The following ARHGAP45 variants were observed in gnomAD, a reference collection of about 807,000 sequenced individuals.
ARHGAP45 encodes the protein rho GTPase-activating protein 45.
Under a neutral mutation model 116.1 loss-of-function variants are expected in ARHGAP45, and 56 were observed. That is an observed-to-expected ratio of 0.48 (90% CI 0.39 to 0.60). ARHGAP45 has a LOEUF of 0.60. ARHGAP45 is among the 20% of genes least tolerant of loss of function. ARHGAP45 has a pLI of 0.00. For missense variants in ARHGAP45, 1,622 were observed against 1,601.0 expected (o/e 1.01, Z -0.22); for synonymous variants, 866 against 701.7 (o/e 1.23, Z -3.70).
In ARHGAP45 at chr19:1,086,033, G is replaced by T; in HGVS notation, c.*27G>T. On this transcript the variant is annotated 3_prime_UTR_variant, in exon 23 of 23. Coordinates refer to ENST00000313093, the MANE Select transcript of ARHGAP45 (RefSeq NM_012292.5). ...CTGGGGTGGGGCTGGGACCACAGGT[G>T]GCTTCTCTCTTGCCTGCTCCTGTCC... 1.3e-6 allele frequency: 2 copies of T among 1,587,716 alleles called. No homozygotes were observed. The highest frequency in any genetic ancestry group is 1.3e-5 in the African/African-American group (1 of 74,548).
rs1568482168 is a variant in ARHGAP45, at chr19:1,082,911, A to AGAGGCC, written c.2596_2601dup (p.Glu866_Ala867dup). 19 of 1,595,642 alleles carry AGAGGCC rather than the reference A, an allele frequency of 1.2e-5. No homozygotes were observed. The highest frequency in any genetic ancestry group is 2.3e-5 in the East Asian group (1 of 44,340). ...GGCTGGCCAAGGACAGCCTGAAGGCAGAGGCCGAGGCCAAGGCGGCGTCCC... is the reference window on the plus strand; with the variant it reads ...GGCTGGCCAAGGACAGCCTGAAGGCAGAGGCCGAGGCCGAGGCCAAGGCGGCGTCCC... On this transcript the variant is annotated inframe_insertion, in exon 20 of 23. Coordinates refer to ENST00000313093, the MANE Select transcript of ARHGAP45 (RefSeq NM_012292.5).
Position 1,074,825 on chromosome 19 carries a change from C to G in ARHGAP45, c.1131C>G (p.His377Gln). 6.3e-7 allele frequency: 1 copy of G among 1,580,320 alleles called. No individual in the cohort carries two copies. The highest frequency in any genetic ancestry group is 8.6e-7 in the Non-Finnish European group (1 of 1,163,158). The change falls in exon 10 of 23, where the codon CAC (histidine) becomes CAG (glutamine). Residue 377 changes from histidine (H) to glutamine (Q), a missense_variant. This residue lies in a region of ARHGAP45 where 1,334 missense variants were observed against 1,263.8 expected (regional missense o/e 1.06). Transcript: ENST00000313093. Reference sequence around the variant, plus strand: ...CCCTGACCCTGCGGCGGCTTGAACACGAGAAGCGCAGGAAGGAGATCAAGG... The same window carrying G: ...CCCTGACCCTGCGGCGGCTTGAACAGGAGAAGCGCAGGAAGGAGATCAAGG... ...MQPLTLRRLE[H>Q]EKRRKEIKEA...
upstream of ARHGAP45, chr19:1,067,058 G>C (rs2043045798): frequency 1.8e-6 from 1 of 564,000 alleles, no homozygotes; most frequent in African/African-American, 2.0e-5. Context: ...CGTCAGGCAG[G>C]GGCTCCCGGT....
Position 1,081,034 on chromosome 19 carries a change from CGT to C in ARHGAP45, c.2161_2162del (p.Val721LeufsTer6). The C allele has an allele frequency of 6.2e-7, 1 of 1,609,096 alleles. No individual in the cohort carries two copies. The highest frequency in any genetic ancestry group is 8.5e-7 in the Non-Finnish European group (1 of 1,178,654). On this transcript the variant is annotated frameshift_variant, in exon 17 of 23. Transcript: ENST00000313093. LOFTEE classifies it high-confidence loss of function. ...CCAAGTGCCGCGAGTGCAACAGCTA[CGT>C]CTACTTCCAGGGTGCTGAGTGTGAA... ...PAKCRECNSY[V>X]YFQGAECEEC... is the part of the protein sequence containing the mutation.
In ARHGAP45 at chr19:1,078,024, G is replaced by C. The variant is rs1382433019; in HGVS notation, c.1353G>C (p.Leu451=). ...ATKTLDKRRR[L]EEEAKNKAEE... ...AGACCCTGGACAAGCGGCGGCGGCT[G>C]GAGGAGGAGGCCAAGAACAAGGTGA... The change falls in exon 11 of 23, where the codon CTG becomes CTC. Residue 451 remains leucine (L), a synonymous_variant. Transcript: ENST00000313093. 3 of 1,553,934 alleles carry C rather than the reference G, an allele frequency of 1.9e-6. No individual in the cohort carries two copies. The Admixed American group carries it at 5.8e-5, about 30-fold the overall frequency.
chr19:1,068,805 G>T lies in ARHGAP45; in HGVS notation c.421+61G>T. The stretch of plus-strand genomic sequence containing the variant: ...GACAGAGCCAGACCCAAGGGAGGAT[G>T]GAGGGAGGGACTTGGGGAGGCTCAG... On this transcript the variant is annotated intron_variant, in intron 2 of 22. Coordinates refer to ENST00000313093, the MANE Select transcript of ARHGAP45 (RefSeq NM_012292.5). This position sits in a 1 kb window ranked among gnomAD's most constrained non-coding sequence, Gnocchi z 7.5. The T allele has an allele frequency of 6.6e-7, 1 of 1,512,872 alleles. No individual in the cohort carries two copies. The highest frequency in any genetic ancestry group is 9.1e-7 in the Non-Finnish European group (1 of 1,098,086). The allele number at this position is 1,512,872 out of a possible 1,614,324, so 93.7% of individuals were successfully genotyped here. A position where few individuals can be genotyped will look rare whatever the true frequency, so the allele number is the denominator to read the frequency against.
intron 2 of ARHGAP45, among the ~76,000 whole-genome samples, chr19:1,072,861 CTG>C (rs1345939084): frequency 2.0e-5 from 3 of 152,174 alleles, no homozygotes; most frequent in African/African-American, 7.2e-5. Context: ...GGCTGCAGGA[CTG>C]TAGCTTGAAG....
rs550123041 is a variant in ARHGAP45 at position 1,068,675 on chromosome 19, C to T, written c.352C>T (p.His118Tyr). The T allele has an allele frequency of 6.2e-7, 1 of 1,612,680 alleles. No individual in the cohort carries two copies. Among genetic ancestry groups the T allele is most frequent in the Admixed American group, 1.7e-5 (1 of 60,028 alleles). ...AGPDVVEDIS[H>Y]LLADVARFAE... Reference sequence around the variant, plus strand: ...CCCGGACGTCGTCGAGGACATCTCCCATCTGCTGGCGGACGTGGCCCGCTT... The same window carrying T: ...CCCGGACGTCGTCGAGGACATCTCCTATCTGCTGGCGGACGTGGCCCGCTT... The change falls in exon 2 of 23, where the codon CAT becomes TAT. Residue 118 changes from histidine (H) to tyrosine (Y), a missense_variant. His to Tyr is a moderately conservative substitution (Grantham distance 83). This residue lies in a region of ARHGAP45 where 279 missense variants were observed against 311.9 expected (regional missense o/e 0.89). Transcript: ENST00000313093. The surrounding 1 kb of genome is among the most constrained non-coding windows in gnomAD (Gnocchi z 7.5).
intron 2 of ARHGAP45, among the ~76,000 whole-genome samples, chr19:1,070,052 G>A (rs1041309850): frequency 6.6e-6 from 1 of 152,014 alleles, no homozygotes; most frequent in Non-Finnish European, 1.5e-5. Context: ...CTGGAGTGCA[G>A]TGGCGCGATC....
chr19:1,080,392 C>T lies in ARHGAP45; in HGVS notation c.1828+13C>T. 1 of 1,607,596 alleles carries T rather than the reference C, an allele frequency of 6.2e-7. No homozygotes were observed. Among genetic ancestry groups the T allele is most frequent in the Non-Finnish European group, 8.5e-7 (1 of 1,178,866 alleles). On this transcript the variant is annotated intron_variant, in intron 14 of 22. Transcript: ENST00000313093. ...AAGGACCACAGGGGTGAGTGTCCGG[C>T]GGGGCCCAGGGGCGGACGCTGGCTC...
chr19:1,075,979 C>T (rs1186423397), intron 10 of ARHGAP45, among the ~76,000 whole-genome samples: 1 of 152,138 alleles, frequency 6.6e-6, no homozygotes, highest in Non-Finnish European at 1.5e-5. Context: ...TCCTCACCTC[C>T]ATATAGAGAG....
intron 21 of ARHGAP45, among the ~76,000 whole-genome samples, chr19:1,083,589 T>G (rs993600277): frequency 3.3e-5 from 5 of 152,178 alleles, no homozygotes; most frequent in Admixed American, 6.5e-5. Context: ...CACTCTCCCT[T>G]GGGGCTGGCC....
rs1382874017 is a variant in ARHGAP45 at position 1,077,863 on chromosome 19, G to A, written c.1192G>A (p.Ala398Thr). The change falls in exon 11 of 23, where the codon GCG becomes ACG. Residue 398 changes from alanine to threonine, a missense_variant. By Grantham distance (58) the Ala-to-Thr change is moderately conservative (BLOSUM62 0). Transcript: ENST00000313093. ...WHRAQRKLQE[A>T]ESNLRKAKQG... ...CTGGCTCCCACACCCACAGCAAGAG[G>A]CGGAGTCCAACCTGCGCAAGGCCAA... The A allele has an allele frequency of 6.4e-7, 1 of 1,553,152 alleles. No homozygotes were observed. Among genetic ancestry groups the A allele is most frequent in the Non-Finnish European group, 8.7e-7 (1 of 1,148,094 alleles).
chr19:1,078,158 T>A, intron 11 of ARHGAP45, 113 bp downstream of exon 11: 1 of 1,436,860 alleles, frequency 7.0e-7, no homozygotes, highest in Non-Finnish European at 9.2e-7. Context: ...TTTTGTTTGT[T>A]TTTGAGACGG....
chr19:1,083,679 C>A (rs528191321), intron 21 of ARHGAP45, among the ~76,000 whole-genome samples: 1 of 152,312 alleles, frequency 6.6e-6, no homozygotes, highest in African/African-American at 2.4e-5. Flanking sequence ...TCCACGCTGG[C>A]CCGGTGTCCA....
chr19:1,078,172 C>T (rs1200834697), intron 11 of ARHGAP45, 127 bp downstream of exon 11: 6 of 1,411,720 alleles, frequency 4.3e-6, no homozygotes, highest in Middle Eastern at 2.6e-4. Flanking sequence ...GAGACGGAGT[C>T]TTGCTCTGTC....
Position 1,081,643 on chromosome 19 carries a change from G to A in ARHGAP45, c.2284G>A (p.Asp762Asn). 6.3e-7 allele frequency: 1 copy of A among 1,580,076 alleles called. No individual in the cohort carries two copies. The highest frequency in any genetic ancestry group is 8.6e-7 in the Non-Finnish European group (1 of 1,163,534). The change falls in exon 18 of 23, where the codon GAC (aspartate) becomes AAC (asparagine). Residue 762 changes from aspartate (D) to asparagine (N), a missense_variant. This residue lies in a region of ARHGAP45 where 1,334 missense variants were observed against 1,263.8 expected (regional missense o/e 1.06). Coordinates refer to ENST00000313093, the MANE Select transcript of ARHGAP45 (RefSeq NM_012292.5). ...AGGCCGCCTGCAGCTGTTCGGCCAG[G>A]ACTTCAGCCACGCGGCCCGCAGCGC... The part of the protein sequence containing the change: ...LQGRLQLFGQ[D>N]FSHAARSAPD...
At chr19:1,076,321 T>C (rs2043246823) in intron 10 of ARHGAP45, among the ~76,000 whole-genome samples, 1 of 152,092 alleles carries the variant, frequency 6.6e-6, no homozygotes, top group South Asian at 2.1e-4. Context: ...GACAGTGGCT[T>C]ATCATTGATT....
chr19:1,068,705 G>A lies in ARHGAP45; in HGVS notation c.382G>A (p.Glu128Lys). 6.2e-7 allele frequency: 1 copy of A among 1,612,668 alleles called. No homozygotes were observed. The highest frequency in any genetic ancestry group is 8.5e-7 in the Non-Finnish European group (1 of 1,180,014). Reference protein sequence around the residue: ...HLLADVARFAEGLEKLKECVL... With the variant: ...HLLADVARFAKGLEKLKECVL... ...GCTGGCGGACGTGGCCCGCTTCGCT[G>A]AGGGCCTTGAGAAACTTAAGGAGTG... Residue 128 changes from glutamate to lysine, a missense_variant, in exon 2 of 23, where the codon GAG (glutamate) becomes AAG (lysine). Physicochemically the swap from Glu to Lys is moderately conservative, Grantham distance 56 (BLOSUM62 1). This residue lies in a region of ARHGAP45 where 279 missense variants were observed against 311.9 expected (regional missense o/e 0.89). Transcript: ENST00000313093. This position sits in a 1 kb window ranked among gnomAD's most constrained non-coding sequence, Gnocchi z 7.5.
Sources: gnomAD v4.1 joint callset for allele counts (sites outside exome capture counted in the v4.1 genomes callset) on GRCh38, gnomAD v4.1.1 for gene constraint, gnomAD v4.1.1 regional missense constraint, Gnocchi (gnomAD v3.1) non-coding constraint, MANE v1.5 for transcripts, NCBI Gene and HGNC (gene_info 2026-07-23, HGNC 2026-07-21) for gene names.